The following WDFY3 variants were observed in gnomAD, a reference collection of about 807,000 sequenced individuals.
The protein encoded by WDFY3 is WD repeat and FYVE domain containing 3.
A neutral mutation model predicts 409.6 loss-of-function variants in WDFY3; 66 were observed. The ratio of observed to expected loss-of-function variants is 0.16; its 90% confidence interval spans 0.13 to 0.20. The LOEUF (loss-of-function observed/expected upper bound fraction) is 0.20. Ranked by LOEUF, WDFY3 falls within the 10% of genes least tolerant of loss-of-function variation. WDFY3 has a pLI of 1.00. For synonymous variants in WDFY3, 1,521 were observed against 1,537.1 expected (o/e 0.99, Z 0.25); for missense variants, 3,031 against 4,298.1 (o/e 0.71, Z 8.24).
At chr4:84,947,196 G>A (rs1772960253) in intron 1 of WDFY3, among the ~76,000 whole-genome samples, 1 of 151,810 alleles carries the variant, frequency 6.6e-6, no homozygotes, top group Non-Finnish European at 1.5e-5. Context: ...TTAATAGCAG[G>A]AGTCTAGGAA....
At chr4:84,789,953 C>A in intron 21 of WDFY3, 46 bp from the exon 22 acceptor site, 1 of 1,587,962 alleles carries the variant, frequency 6.3e-7, no homozygotes, top group South Asian at 1.1e-5. Flanking sequence ...CAACACCATC[C>A]CTATTCAAAT....
chr4:84,696,657 T>A, intron 57 of WDFY3, 75 bp downstream of exon 57: 1 of 1,456,154 alleles, frequency 6.9e-7, no homozygotes, highest in Non-Finnish European at 9.6e-7. Flanking sequence ...GTACTCTGGC[T>A]AGAGGCCCTG....
In WDFY3 at chr4:84,960,370, GCATC is replaced by G. The variant is rs528791647; in HGVS notation, c.-226+5835_-226+5838del. On this transcript the variant is annotated intron_variant, in intron 1 of 67. Transcript: ENST00000295888. Reference sequence around the variant, plus strand: ...TCCACACCATATGTACCTACCTACAGCATCCACACCTCACGTATGTGATACCCTA... The same window carrying G: ...TCCACACCATATGTACCTACCTACAGCACACCTCACGTATGTGATACCCTA... 7.9e-5 allele frequency among the ~76,000 whole-genome samples: 12 copies of G among 152,180 alleles called. No homozygotes were observed. In the South Asian group the frequency reaches 2.5e-3, roughly 32 times the overall value.
chr4:84,670,000 T>C lies in WDFY3; in HGVS notation c.*2868A>G, dbSNP rs1418247978. ...AACGGCATAAATATTTTATACACAG[T>C]TCATTTACCAAAACAAAATGTATTT... is the stretch of plus-strand genomic sequence containing the variant. On this transcript the variant is annotated 3_prime_UTR_variant, in exon 68 of 68. Coordinates refer to ENST00000295888, the MANE Select transcript of WDFY3 (RefSeq NM_014991.6). 6.6e-6 allele frequency: 1 copy of C among 152,656 alleles called. No homozygotes were observed. The highest frequency in any genetic ancestry group is 2.4e-5 in the African/African-American group (1 of 41,466). 9.5% of individuals were successfully genotyped at this position (152,656 alleles called of 1,614,324 possible).
chr4:84,836,798 G>T, intron 7 of WDFY3, 131 bp downstream of exon 7: 1 of 775,854 alleles, frequency 1.3e-6, no homozygotes, highest in Non-Finnish European at 1.8e-6. Flanking sequence ...ACAATTATAT[G>T]AGATAAAGTC....
In WDFY3 at chr4:84,801,796, C is replaced by G; in HGVS notation, c.2676G>C (p.Gln892His). 6.2e-7 allele frequency: 1 copy of G among 1,614,188 alleles called. No individual in the cohort carries two copies. The highest frequency in any genetic ancestry group is 8.5e-7 in the Non-Finnish European group (1 of 1,180,038). Residue 892 changes from glutamine to histidine, a missense_variant, in exon 17 of 68, where the codon CAG (glutamine) becomes CAC (histidine). By Grantham distance (24) the Gln-to-His change is conservative. Around this residue, in one of 16 missense-constraint regions of WDFY3, gnomAD observed 1,322 missense variants for 1,697.9 expected, o/e 0.78. Transcript: ENST00000295888. ...GAAGACCAGCTTCACACATGACTTG[C>G]TGGTTCCTTTCTGTGTGCACCAGGG... is the stretch of plus-strand genomic sequence containing the variant. ...LQSLVHTERN[Q>H]QVMCEAGLHA...
At chr4:84,752,340 C>T (rs1740678459) in intron 35 of WDFY3, among the ~76,000 whole-genome samples, 1 of 151,902 alleles carries the variant, frequency 6.6e-6, no homozygotes. Context: ...ATGGCGAAAC[C>T]CCATCTCTAT....
chr4:84,880,721 A>ATATATATATC (rs1763413065), intron 3 of WDFY3, among the ~76,000 whole-genome samples: 1 of 97,510 alleles, frequency 1.0e-5, no homozygotes, highest in African/African-American at 4.1e-5. Context: ...ATATATATAT[A>ATATATATATC]TATATGTTTT....
chr4:84,718,482 A>G lies in WDFY3; in HGVS notation c.7694T>C (p.Ile2565Thr). Reference protein sequence around the residue: ...LLFGKEHFYVIDGFTMTATRE... With the variant: ...LLFGKEHFYVTDGFTMTATRE... Reference sequence around the variant, plus strand: ...GGTTGCTGTCATGGTAAATCCATCAATCACATAAAAATGCTCTTTACCAAA... The same window carrying G: ...GGTTGCTGTCATGGTAAATCCATCAGTCACATAAAAATGCTCTTTACCAAA... Residue 2565 changes from isoleucine to threonine, a missense_variant, in exon 48 of 68, where the codon ATT becomes ACT. This residue lies in a region of WDFY3 where 40 missense variants were observed against 54.2 expected (regional missense o/e 0.74). Transcript: ENST00000295888. The G allele has an allele frequency of 6.2e-7, 1 of 1,614,022 alleles. No homozygotes were observed.
At chr4:84,911,425 T>C (rs13141322) in intron 2 of WDFY3, among the ~76,000 whole-genome samples, 61,882 of 151,900 alleles carry the variant, frequency 0.41, 13,172 homozygotes, top group African/African-American at 0.52. Flanking sequence ...AATTGAGGGT[T>C]AAAGTGAGGT....
At chr4:84,696,940 T>C in intron 56 of WDFY3, 117 bp from the exon 57 acceptor site, 1 of 813,476 alleles carries the variant, frequency 1.2e-6, no homozygotes, top group Non-Finnish European at 1.9e-6. Flanking sequence ...GCTAAAATTG[T>C]ACACCAGAAA....
chr4:84,804,180 C>T (rs774898697), intron 15 of WDFY3: 3 of 152,208 alleles, frequency 2.0e-5, no homozygotes, highest in Non-Finnish European at 4.4e-5. Context: ...TCAATGATCT[C>T]TACTTTCTAT....
chr4:84,803,728 TTGTTTGATTAAAAAATGACACC>T (rs1751042127), intron 15 of WDFY3, among the ~76,000 whole-genome samples: 1 of 152,094 alleles, frequency 6.6e-6, no homozygotes, highest in South Asian at 2.1e-4. Context: ...ACTATATGGA[TTGTTTGATTAAAAAATGACACC>T]TGTACCACAA....
intron 37 of WDFY3, 55 bp downstream of exon 37, chr4:84,743,645 G>C: frequency 1.4e-6 from 2 of 1,388,838 alleles, no homozygotes; most frequent in Non-Finnish European, 1.9e-6. Flanking sequence ...TTTACTTGGG[G>C]CTTAGAGAGG....
rs1191175705 is a variant in WDFY3 at position 84,784,887 on chromosome 4, T to TAC, written c.4062+1091_4062+1092insGT. Among the ~76,000 whole-genome samples, 57 of 62,352 alleles carry TAC rather than the reference T, an allele frequency of 9.1e-4. 1 individual carries two copies. The highest frequency in any genetic ancestry group is 2.9e-3 in the African/African-American group (56 of 19,122). The allele number at this position is 62,352 out of a possible 152,430, so 40.9% of individuals were successfully genotyped here. A position where few individuals can be genotyped will look rare whatever the true frequency, so the allele number is the denominator to read the frequency against. On this transcript the variant is annotated intron_variant, in intron 24 of 67. Transcript: ENST00000295888. ...ATATATATATATATATATATATATA[T>TAC]ATATACACACACACACACACACACA... is the stretch of plus-strand genomic sequence containing the variant.
chr4:84,869,628 T>C (rs1761899577), intron 3 of WDFY3, among the ~76,000 whole-genome samples: 1 of 152,194 alleles, frequency 6.6e-6, no homozygotes, highest in African/African-American at 2.4e-5. Flanking sequence ...ACTTATACTT[T>C]AGAGTAAATC....
chr4:84,727,653 A>C (rs1267424283), intron 44 of WDFY3, among the ~76,000 whole-genome samples: 1 of 152,250 alleles, frequency 6.6e-6, no homozygotes, highest in Non-Finnish European at 1.5e-5. Flanking sequence ...AGGTAGCTAC[A>C]GACAATAATG....
chr4:84,807,788 G>T (rs966702693), intron 15 of WDFY3, among the ~76,000 whole-genome samples: 7 of 151,954 alleles, frequency 4.6e-5, no homozygotes, highest in African/African-American at 1.5e-4. Flanking sequence ...ATTGGGGTGG[G>T]TTTTTTACTA....
rs1484521549 is a variant in WDFY3 at position 84,687,903 on chromosome 4, T to C, written c.9543+183A>G. The C allele has an allele frequency of 1.9e-5, 12 of 618,814 alleles. No individual in the cohort carries two copies. In the East Asian group the frequency reaches 3.3e-4, roughly 17 times the overall value. The allele number at this position is 618,814 out of a possible 1,614,324, so 38.3% of individuals were successfully genotyped here. A position where few individuals can be genotyped will look rare whatever the true frequency, so the allele number is the denominator to read the frequency against. On this transcript the variant is annotated intron_variant, in intron 62 of 67. Coordinates refer to ENST00000295888, the MANE Select transcript of WDFY3 (RefSeq NM_014991.6). The stretch of plus-strand genomic sequence containing the variant: ...GAGGTCACCAAATCGGTGCTGACCT[T>C]AGTGCAGACACCTGATGGGTATAGT...
Sources: gnomAD v4.1 joint callset for allele counts (sites outside exome capture counted in the v4.1 genomes callset) on GRCh38, gnomAD v4.1.1 for gene constraint, gnomAD v4.1.1 regional missense constraint, MANE v1.5 for transcripts, NCBI Gene and HGNC (gene_info 2026-07-23, HGNC 2026-07-21) for gene names.